CALY: variants seen among roughly 807,000 people sequenced by gnomAD.
CALY encodes neuron-specific vesicular protein calcyon.
In CALY, 15 loss-of-function variants were observed where a neutral mutation model predicts 20.2. That is an observed-to-expected ratio of 0.74 (90% CI 0.50 to 1.14). CALY has a LOEUF of 1.14. Among genes scored for constraint, CALY ranks in the 50% most tolerant of loss-of-function variants. CALY has a pLI of 0.00. For synonymous variants in CALY, 129 were observed against 131.8 expected (o/e 0.98, Z 0.15); for missense variants, 270 against 304.4 (o/e 0.89, Z 0.84).
chr10:133,325,112 C>G lies in CALY; in HGVS notation c.*483G>C. 1.3e-5 allele frequency: 2 copies of G among 153,276 alleles called. No homozygotes were observed. Among genetic ancestry groups the G allele is most frequent in the Admixed American group, 6.4e-5 (1 of 15,510 alleles). The allele number at this position is 153,276 out of a possible 1,614,324, so 9.5% of individuals were successfully genotyped here. ...CACCAGGTAGATGGGGGCGGGGGGT[C>G]GGGGAACCAGCAGGACAAGGGGCTG... On this transcript the variant is annotated 3_prime_UTR_variant, in exon 6 of 6. Transcript: ENST00000252939.
At chr10:133,333,027 G>A (rs1303067249) in intron 1 of CALY, among the ~76,000 whole-genome samples, 1 of 151,848 alleles carries the variant, frequency 6.6e-6, no homozygotes, top group Non-Finnish European at 1.5e-5. Context: ...ACAGCAGCGC[G>A]AGGATGTCCA....
rs781562591 is a variant in CALY at position 133,326,983 on chromosome 10, G to A, written c.255C>T (p.Thr85=). Residue 85 remains threonine (T), a synonymous_variant, in exon 4 of 6, where the codon ACC becomes ACT. Transcript: ENST00000252939. ...CCATGGCGAAGGCGATCATCCGTGC[G>A]GTGGGCAGCTGGCAGGAGGGCAGAG... The part of the protein sequence containing the change: ...SHPEEGRRLP[T]ARMIAFAMAL... 8.1e-6 allele frequency: 13 copies of A among 1,606,656 alleles called. No homozygotes were observed. Among genetic ancestry groups the A allele is most frequent in the East Asian group, 4.5e-5 (2 of 44,586 alleles).
chr10:133,331,165 A>T (rs2133380744), intron 1 of CALY, among the ~76,000 whole-genome samples: 1 of 152,314 alleles, frequency 6.6e-6, no homozygotes. Flanking sequence ...GAGTGCTGTA[A>T]CCCGGTAACA....
rs1437434207 is a variant in CALY at position 133,326,954 on chromosome 10, A to G, written c.284T>C (p.Leu95Pro). Residue 95 changes from leucine (L) to proline (P), a missense_variant, in exon 4 of 6, where the codon CTA becomes CCA. Coordinates refer to ENST00000252939, the MANE Select transcript of CALY (RefSeq NM_015722.4). The stretch of plus-strand genomic sequence containing the variant: ...GTACATGATCAGCACGCAGCCCAGT[A>G]GCGCCATGGCGAAGGCGATCATCCG... The part of the protein sequence containing the change: ...TARMIAFAMA[L>P]LGCVLIMYKA... The G allele has an allele frequency of 1.9e-6, 3 of 1,610,952 alleles. No homozygotes were observed. The highest frequency in any genetic ancestry group is 1.7e-5 in the Admixed American group (1 of 59,790).
At chr10:133,326,410 T>A (rs1360682731) in intron 4 of CALY, 9 of 697,484 alleles carry the variant, frequency 1.3e-5, no homozygotes, top group Middle Eastern at 4.9e-4. Flanking sequence ...GCATAAACCA[T>A]GGAGTTAAGG....
Position 133,327,891 on chromosome 10 carries a change from G to A in CALY, c.246+14C>T. On this transcript the variant is annotated intron_variant, in intron 3 of 5. Transcript: ENST00000252939. ...GTCCTGAGTCCCCACAGTGGGTGGG[G>A]TGGGTGTGGTTACCCTGCGCCCTTC... 1 of 1,556,020 alleles carries A rather than the reference G, an allele frequency of 6.4e-7. No individual in the cohort carries two copies. The highest frequency in any genetic ancestry group is 8.9e-7 in the Non-Finnish European group (1 of 1,129,054).
At position 133,329,012 on chromosome 10, in the gene CALY, G is replaced by A; in HGVS notation, c.-20-3C>T. ...CATGGTGGATGGCAGTCCTTGTCCT[G>A]TCCAAAGACAGACAGAGTCACTGCC... On this transcript the variant is annotated splice_region_variant and splice_polypyrimidine_tract_variant and intron_variant, in intron 1 of 5. Coordinates refer to ENST00000252939, the MANE Select transcript of CALY (RefSeq NM_015722.4). The A allele has an allele frequency of 4.6e-6, 7 of 1,536,784 alleles. No homozygotes were observed. Among genetic ancestry groups the A allele is most frequent in the Non-Finnish European group, 6.1e-6 (7 of 1,138,788 alleles).
intron 4 of CALY, 38 bp downstream of exon 4, chr10:133,326,840 C>T (rs368981415): frequency 3.7e-5 from 51 of 1,375,444 alleles, no homozygotes; most frequent in Middle Eastern, 1.8e-4. Context: ...GGAGGAGGGG[C>T]GGCTCTACAC....
At chr10:133,329,391 T>C (rs1017976882) in intron 1 of CALY, among the ~76,000 whole-genome samples, 8 of 110,330 alleles carry the variant, frequency 7.3e-5, no homozygotes, top group Admixed American at 3.9e-4. Flanking sequence ...TTCTTCTTCT[T>C]CTTTTTTTTT....
intron 2 of CALY, 85 bp downstream of exon 2, chr10:133,328,770 G>T: frequency 1.5e-6 from 2 of 1,363,634 alleles, no homozygotes; most frequent in South Asian, 1.5e-5. Flanking sequence ...CCTGGGAAGA[G>T]GCCATATCTA....
At chr10:133,329,392 C>CTTTTTTTTTTTTTTTTTTTTTTTTTT (rs112012967) in intron 1 of CALY, among the ~76,000 whole-genome samples, 1 of 137,448 alleles carries the variant, frequency 7.3e-6, no homozygotes, top group African/African-American at 2.9e-5. Context: ...TCTTCTTCTT[C>CTTTTTTTTTTTTTTTTTTTTTTTTTT]TTTTTTTTTT....
intron 1 of CALY, among the ~76,000 whole-genome samples, chr10:133,334,846 T>C (rs1848406682): frequency 6.6e-6 from 1 of 151,990 alleles, no homozygotes; most frequent in African/African-American, 2.4e-5. Context: ...CGTTGTTGTG[T>C]GTTCATCGCA....
Position 133,324,832 on chromosome 10 carries a change from G to A in CALY, c.*763C>T, listed in dbSNP as rs1848177833. ...CATGGCAGCTCCAGGCTCCCCTGGCGTTTCAGCCTCACCATCTTTCATCTG... is the reference window on the plus strand; with the variant it reads ...CATGGCAGCTCCAGGCTCCCCTGGCATTTCAGCCTCACCATCTTTCATCTG... On this transcript the variant is annotated 3_prime_UTR_variant, in exon 6 of 6. Coordinates refer to ENST00000252939, the MANE Select transcript of CALY (RefSeq NM_015722.4). The A allele has an allele frequency of 6.8e-6, 2 of 294,922 alleles. No homozygotes were observed. The highest frequency in any genetic ancestry group is 1.3e-5 in the Non-Finnish European group (2 of 150,776). 18.3% of individuals were successfully genotyped at this position (294,922 alleles called of 1,614,324 possible). A position where few individuals can be genotyped will look rare whatever the true frequency, so the allele number is the denominator to read the frequency against.
At chr10:133,334,831 C>G (rs1163868899) in intron 1 of CALY, among the ~76,000 whole-genome samples, 2 of 152,070 alleles carry the variant, frequency 1.3e-5, no homozygotes, top group Non-Finnish European at 2.9e-5. Context: ...CTAACCCGTG[C>G]CCCTCGTTGT....
At chr10:133,332,322 C>A (rs1488546849) in intron 1 of CALY, among the ~76,000 whole-genome samples, 1 of 152,138 alleles carries the variant, frequency 6.6e-6, no homozygotes, top group Non-Finnish European at 1.5e-5. Context: ...GAGCAATGAG[C>A]CTGATCCCTA....
At chr10:133,334,784 G>A (rs1335188649) in intron 1 of CALY, among the ~76,000 whole-genome samples, 2 of 152,010 alleles carry the variant, frequency 1.3e-5, no homozygotes, top group African/African-American at 4.8e-5. Context: ...GGGAGACAGG[G>A]CCCCCAGTCC....
At chr10:133,336,542 G>A (rs1489586475) in intron 1 of CALY, among the ~76,000 whole-genome samples, 1 of 152,184 alleles carries the variant, frequency 6.6e-6, no homozygotes, top group Non-Finnish European at 1.5e-5. Context: ...CCGGGGCCCC[G>A]CCGTCACGGG....
chr10:133,327,060 G>T, intron 3 of CALY, 69 bp from the exon 4 acceptor site: 1 of 1,049,704 alleles, frequency 9.5e-7, no homozygotes, highest in Non-Finnish European at 1.5e-6. Context: ...GCTCCTCAGG[G>T]GCTGGGCTGG....
chr10:133,335,898 G>A (rs1428551586), intron 1 of CALY, among the ~76,000 whole-genome samples: 1 of 152,190 alleles, frequency 6.6e-6, no homozygotes, highest in Non-Finnish European at 1.5e-5. Context: ...GAGTGAGGCC[G>A]TGCAGATGGA....
Sources: gnomAD v4.1 joint callset for allele counts (sites outside exome capture counted in the v4.1 genomes callset) on GRCh38, gnomAD v4.1.1 for gene constraint, MANE v1.5 for transcripts, NCBI Gene and HGNC (gene_info 2026-07-23, HGNC 2026-07-21) for gene names.